The following SYNJ2 variants were observed in gnomAD, a reference collection of about 807,000 sequenced individuals.
SYNJ2 encodes polyphosphatidylinositol phosphatase SYNJ2.
A neutral mutation model predicts 141.3 loss-of-function variants in SYNJ2; 116 were observed. That is an observed-to-expected ratio of 0.82 (90% CI 0.71 to 0.96). The LOEUF (loss-of-function observed/expected upper bound fraction) is 0.96. SYNJ2 is among the 40% of genes least tolerant of loss of function. The pLI, the probability that SYNJ2 is intolerant of heterozygous loss-of-function variation, is 0.00. For missense variants in SYNJ2, 1,873 were observed against 1,934.8 expected, an observed-to-expected ratio of 0.97 and a Z score of 0.60; for synonymous variants, 745 against 777.7, an observed-to-expected ratio of 0.96 and a Z score of 0.70.
chr6:158,088,728 A>G lies in SYNJ2; in HGVS notation c.3412A>G (p.Ile1138Val), dbSNP rs138417208. The change falls in exon 24 of 27, where the codon ATT (isoleucine) becomes GTT (valine). Residue 1138 changes from isoleucine to valine, a missense_variant. Physicochemically the swap from Ile to Val is conservative, Grantham distance 29. Coordinates refer to ENST00000355585, the MANE Select transcript of SYNJ2 (RefSeq NM_003898.4). ...CTCCGGCACCCATGGACAGTATTCA[A>G]TTTTGCAGACGGCAAGACTTCTACC... ...ISSGTHGQYS[I>V]LQTARLLPGA... 1.8e-4 allele frequency: 286 copies of G among 1,614,040 alleles called. No individual in the cohort carries two copies. Among genetic ancestry groups the G allele is most frequent in the East Asian group, 7.1e-4 (32 of 44,874 alleles).
intron 4 of SYNJ2, among the ~76,000 whole-genome samples, chr6:158,035,071 T>G (rs548002029): frequency 4.9e-4 from 75 of 152,360 alleles, no homozygotes; most frequent in African/African-American, 1.6e-3. Context: ...CCATGCTGCT[T>G]TGGTTACTAT....
chr6:158,093,339 G>C (rs1445842420), intron 26 of SYNJ2, among the ~76,000 whole-genome samples: 1 of 152,098 alleles, frequency 6.6e-6, no homozygotes, highest in African/African-American at 2.4e-5. Flanking sequence ...AGGAGGCTGA[G>C]GCAGGAGAAT....
intron 4 of SYNJ2, among the ~76,000 whole-genome samples, chr6:158,042,107 T>G (rs1283800551): frequency 6.6e-6 from 1 of 152,276 alleles, no homozygotes; most frequent in Admixed American, 6.5e-5. Context: ...GTCAGTTGTA[T>G]GTACCTAATT....
chr6:158,021,536 C>A (rs532625165), intron 2 of SYNJ2, among the ~76,000 whole-genome samples: 1 of 152,254 alleles, frequency 6.6e-6, no homozygotes, highest in Admixed American at 6.5e-5. Flanking sequence ...CTCCTCTGTC[C>A]CTGGGAGGGC....
At position 158,032,405 on chromosome 6, in the gene SYNJ2, T is replaced by C. The variant is rs187954239; in HGVS notation, c.486-1050T>C. ...TGTGATCTAGATTCACTCAGTGCCC[T>C]GTAAGAGGGCATCTCCTGATGATGG... On this transcript the variant is annotated intron_variant, in intron 3 of 26. Coordinates refer to ENST00000355585, the MANE Select transcript of SYNJ2 (RefSeq NM_003898.4). Among the ~76,000 whole-genome samples, 19 of 152,360 alleles carry C rather than the reference T, an allele frequency of 1.2e-4. 1 individual carries two copies. The South Asian group carries it at 3.7e-3, about 30-fold the overall frequency.
At chr6:157,994,750 A>C (rs996494823) in intron 1 of SYNJ2, among the ~76,000 whole-genome samples, 1 of 152,190 alleles carries the variant, frequency 6.6e-6, no homozygotes, top group Non-Finnish European at 1.5e-5. Context: ...GGCCTGAGGG[A>C]TTCTGTCTGG....
chr6:158,026,846 G>A lies in SYNJ2; in HGVS notation c.215-1910G>A, dbSNP rs142729628. ...GTGTCAGAAGAGGCAGGTGGGTGCC[G>A]GGAGCGCTCTGTGGCCAAGGCTCTG... On this transcript the variant is annotated intron_variant, in intron 2 of 26. Coordinates refer to ENST00000355585, the MANE Select transcript of SYNJ2 (RefSeq NM_003898.4). 203 of 985,412 alleles carry A rather than the reference G, an allele frequency of 2.1e-4. No homozygotes were observed. The African/African-American group carries it at 2.7e-3, about 13-fold the overall frequency. The allele number at this position is 985,412 out of a possible 1,614,324, so 61.0% of individuals were successfully genotyped here. A position where few individuals can be genotyped will look rare whatever the true frequency, so the allele number is the denominator to read the frequency against.
At position 158,088,413 on chromosome 6, in the gene SYNJ2, A is replaced by C. The variant is rs571801433; in HGVS notation, c.3344-247A>C. 2.0e-5 allele frequency among the ~76,000 whole-genome samples: 3 copies of C among 152,246 alleles called. No individual in the cohort carries two copies. In the East Asian group the frequency reaches 5.8e-4, roughly 29 times the overall value. ...AATCCCCCAAGATGTTAAAGTTTGCATTCTAGTAATGCTTCTCCAGATCAT... is the reference window on the plus strand; with the variant it reads ...AATCCCCCAAGATGTTAAAGTTTGCCTTCTAGTAATGCTTCTCCAGATCAT... On this transcript the variant is annotated intron_variant, in intron 23 of 26. Coordinates refer to ENST00000355585, the MANE Select transcript of SYNJ2 (RefSeq NM_003898.4).
rs753105652 is a variant in SYNJ2, at chr6:157,982,040, G to T, written c.79G>T (p.Gly27Cys). ...GDCSVLLEAR[G>C]RDDCLLFEAG... Reference sequence around the variant, plus strand: ...CTGTAGCGTGCTGCTGGAGGCGCGCGGCCGCGACGACTGCCTGCTGTTCGA... The same window carrying T: ...CTGTAGCGTGCTGCTGGAGGCGCGCTGCCGCGACGACTGCCTGCTGTTCGA... The change falls in exon 1 of 27, where the codon GGC becomes TGC. Residue 27 changes from glycine to cysteine, a missense_variant. Coordinates refer to ENST00000355585, the MANE Select transcript of SYNJ2 (RefSeq NM_003898.4). The surrounding 1 kb of genome is among the most constrained non-coding windows in gnomAD (Gnocchi z 4.0). 28 of 1,333,176 alleles carry T rather than the reference G, an allele frequency of 2.1e-5. No homozygotes were observed. Among genetic ancestry groups the T allele is most frequent in the Non-Finnish European group, 2.7e-5 (28 of 1,044,912 alleles). The allele number at this position is 1,333,176 out of a possible 1,614,324, so 82.6% of individuals were successfully genotyped here.
At chr6:158,067,321 G>A in intron 12 of SYNJ2, 1 of 652,898 alleles carries the variant, frequency 1.5e-6, no homozygotes, top group Non-Finnish European at 1.9e-6. Flanking sequence ...GCCTGGCCCT[G>A]CCTTCAGTGT....
chr6:158,014,274 A>G (rs1778370116), intron 1 of SYNJ2, among the ~76,000 whole-genome samples: 1 of 152,228 alleles, frequency 6.6e-6, no homozygotes, highest in Admixed American at 6.5e-5. Context: ...TGCATTGTCA[A>G]CTTAGGATAT....
At chr6:158,081,554 C>A in intron 20 of SYNJ2, 44 bp downstream of exon 20, 1 of 1,492,062 alleles carries the variant, frequency 6.7e-7, no homozygotes, top group Non-Finnish European at 9.2e-7. Flanking sequence ...TCTGATCAAT[C>A]CCTCTTTTTA....
chr6:158,023,644 G>A (rs1778891328), intron 2 of SYNJ2, among the ~76,000 whole-genome samples: 1 of 152,156 alleles, frequency 6.6e-6, no homozygotes, highest in African/African-American at 2.4e-5. Context: ...TTCCATGTTA[G>A]GGTAGAGGGT....
chr6:157,984,530 A>G lies in SYNJ2; in HGVS notation c.127+2442A>G, dbSNP rs144615618. ...GTGATTCTCCTGCCTCAGCCTCCCC[A>G]GTAGCTAGGATTACAGGCACACGCC... is the stretch of plus-strand genomic sequence containing the variant. On this transcript the variant is annotated intron_variant, in intron 1 of 26. Transcript: ENST00000355585. Among the ~76,000 whole-genome samples, 53 of 152,180 alleles carry G rather than the reference A, an allele frequency of 3.5e-4. 1 individual carries two copies. The East Asian group carries it at 0.01, about 30-fold the overall frequency.
At chr6:158,052,481 C>T (rs572770548) in intron 5 of SYNJ2, among the ~76,000 whole-genome samples, 5 of 152,244 alleles carry the variant, frequency 3.3e-5, no homozygotes, top group African/African-American at 1.2e-4. Flanking sequence ...ATACAGGAAG[C>T]ATGGTGCCAG....
intron 5 of SYNJ2, among the ~76,000 whole-genome samples, chr6:158,044,834 G>A (rs183690173): frequency 3.9e-5 from 6 of 152,080 alleles, no homozygotes; most frequent in South Asian, 4.1e-4. Flanking sequence ...CATTCCAGAC[G>A]TTCCAAAAGA....
At chr6:158,079,123 G>C (rs1051014691) in intron 18 of SYNJ2, 2 of 152,232 alleles carry the variant, frequency 1.3e-5, no homozygotes, top group Non-Finnish European at 2.9e-5. Flanking sequence ...TAAATGCTCT[G>C]TGCATCATGC....
At chr6:158,063,914 C>T (rs1391693188) in intron 9 of SYNJ2, 42 bp downstream of exon 9, 2 of 1,603,140 alleles carry the variant, frequency 1.2e-6, no homozygotes, top group Non-Finnish European at 8.5e-7. Flanking sequence ...TGTGCCAGGT[C>T]CTGTGACTTC....
Position 158,086,936 on chromosome 6 carries a change from C to G in SYNJ2, c.3290C>G (p.Ser1097Trp), listed in dbSNP as rs1477591089. The G allele has an allele frequency of 6.2e-7, 1 of 1,606,424 alleles. No homozygotes were observed. Among genetic ancestry groups the G allele is most frequent in the South Asian group, 1.1e-5 (1 of 91,068 alleles). The change falls in exon 23 of 27, where the codon TCG (serine) becomes TGG (tryptophan). Residue 1097 changes from serine (S) to tryptophan (W), a missense_variant. Physicochemically the swap from Ser to Trp is radical, Grantham distance 177 (BLOSUM62 -3). Coordinates refer to ENST00000355585, the MANE Select transcript of SYNJ2 (RefSeq NM_003898.4). Reference protein sequence around the residue: ...FRHRSPSRSLSVPNRPRPPQP... With the variant: ...FRHRSPSRSLWVPNRPRPPQP... ...CACCGTTCTCCGAGCAGGTCTCTGT[C>G]GGTCCCCAACCGGCCTCGGCCACCT...
Sources: allele counts gnomAD v4.1 joint callset (sites outside exome capture counted in the v4.1 genomes callset), GRCh38; gene constraint gnomAD v4.1.1; non-coding constraint Gnocchi (gnomAD v3.1); transcripts MANE v1.5; gene names NCBI Gene and HGNC (gene_info 2026-07-23, HGNC 2026-07-21).